The following PBRM1 variants were observed in gnomAD, a reference collection of about 807,000 sequenced individuals.
The protein encoded by PBRM1 is polybromo 1, also known as protein polybromo-1.
PBRM1 carries 27 observed loss-of-function variants against 194.5 expected under a neutral mutation model. The ratio of observed to expected loss-of-function variants is 0.14; its 90% CI spans 0.10 to 0.19. PBRM1 has a LOEUF of 0.19. Ranked by LOEUF, PBRM1 falls within the 10% of genes least tolerant of loss-of-function variation. PBRM1 has a pLI of 1.00. For missense variants in PBRM1, 1,466 were observed against 2,077.2 expected (o/e 0.71, Z 5.72); for synonymous variants, 655 against 693.2 (o/e 0.94, Z 0.87).
chr3:52,643,197 C>T, intron 9 of PBRM1, 51 bp downstream of exon 10: 8 of 1,291,686 alleles, frequency 6.2e-6, no homozygotes, highest in Non-Finnish European at 6.8e-6. Context: ...ACTAGTATGC[C>T]TATCTTTATA....
At chr3:52,573,111 G>A (rs2088005101) in intron 22 of PBRM1, among the ~76,000 whole-genome samples, 1 of 152,120 alleles carries the variant, frequency 6.6e-6, no homozygotes, top group Non-Finnish European at 1.5e-5. Flanking sequence ...GCTAGCTGTA[G>A]ACTAACTAAA....
At chr3:52,642,608 CAAAA>C (rs201394004) in intron 9 of PBRM1, among the ~76,000 whole-genome samples, 4 of 97,512 alleles carry the variant, frequency 4.1e-5, no homozygotes, top group South Asian at 4.1e-4. Context: ...AACTTCGTCT[CAAAA>C]AAAAAAAAAA....
intron 17 of PBRM1, among the ~76,000 whole-genome samples, chr3:52,592,606 G>C (rs2093196381): frequency 6.6e-6 from 1 of 152,196 alleles, no homozygotes; most frequent in Non-Finnish European, 1.5e-5. Flanking sequence ...AAACATCAAG[G>C]ATACTGGCCT....
intron 5 of PBRM1, among the ~76,000 whole-genome samples, chr3:52,654,131 G>A (rs753477711): frequency 6.6e-6 from 1 of 152,084 alleles, no homozygotes; most frequent in Non-Finnish European, 1.5e-5. Context: ...AGAGGTTCAG[G>A]GGAAGTCAGA....
intron 15 of PBRM1, among the ~76,000 whole-genome samples, chr3:52,613,319 G>A (rs1355244780): frequency 1.3e-5 from 2 of 151,348 alleles, no homozygotes; most frequent in African/African-American, 4.9e-5. Context: ...TATATACAGG[G>A]GTTCACTGGA....
At position 52,676,046 on chromosome 3, in the gene PBRM1, C is replaced by T. The variant is rs1357014712; in HGVS notation, c.236+2454G>A. ...GGGAGAATGGCGTGAACCCGGGAGG[C>T]GGAGCTTGCAGTGAGCCGAGATCCC... is the stretch of plus-strand genomic sequence containing the variant. On this transcript the variant is annotated intron_variant, in intron 2 of 29. Transcript: ENST00000296302. Among the ~76,000 whole-genome samples, 3 of 76,352 alleles carry T rather than the reference C, an allele frequency of 3.9e-5. 1 individual carries two copies. Among genetic ancestry groups the T allele is most frequent in the Admixed American group, 1.9e-4 (1 of 5,324 alleles). 50.1% of individuals were successfully genotyped at this position (76,352 alleles called of 152,430 possible). A position where few individuals can be genotyped will look rare whatever the true frequency, so the allele number is the denominator to read the frequency against.
Position 52,584,450 on chromosome 3 carries a change from C to CTTTTTTTTTTTTTTTTT in PBRM1, c.3387+1958_3387+1974dup, listed in dbSNP as rs397989611. 3.3e-4 allele frequency among the ~76,000 whole-genome samples: 20 copies of CTTTTTTTTTTTTTTTTT among 60,748 alleles called. 5 individuals carry two copies. The highest frequency in any genetic ancestry group is 1.2e-3 in the African/African-American group (16 of 12,930). 39.9% of individuals were successfully genotyped at this position (60,748 alleles called of 152,430 possible). The stretch of plus-strand genomic sequence containing the variant: ...AATTATCTGCAGAAAAGTATTCTTG[C>CTTTTTTTTTTTTTTTTT]TTTTTTTTTTTTTTTTTTTTTTTTT... On this transcript the variant is annotated intron_variant, in intron 20 of 29. Coordinates refer to ENST00000296302, the Ensembl canonical transcript of PBRM1.
downstream of PBRM1, chr3:52,546,653 ATCACCC>A (rs1169952316): frequency 1.2e-4 from 28 of 232,306 alleles, no homozygotes; most frequent in East Asian, 1.6e-3. Flanking sequence ...CACAATGGCA[ATCACCC>A]AGTTACTATA....
chr3:52,633,500 C>G (rs939254599), intron 11 of PBRM1, among the ~76,000 whole-genome samples: 5 of 152,076 alleles, frequency 3.3e-5, no homozygotes, highest in African/African-American at 1.2e-4. Context: ...CTTTGAGACC[C>G]TGCTTTCATT....
At chr3:52,608,174 C>T (rs144445520) in intron 16 of PBRM1, among the ~76,000 whole-genome samples, 1 of 152,324 alleles carries the variant, frequency 6.6e-6, no homozygotes, top group East Asian at 1.9e-4. Context: ...TTTTAGAGCA[C>T]AGAGCTCAAG....
rs539871380 is a variant in PBRM1, at chr3:52,548,096, G to A, written c.5037C>T (p.Asn1679=). Residue 1679 remains asparagine (N), a synonymous_variant, in exon 30 of 30, where the codon AAC becomes AAT. Transcript: ENST00000296302. ...TTTCTAGGTTGTATGCTTGGCGAAT[G>A]TTGAGGGTGTCCCGGAGCATCAAAT... The A allele has an allele frequency of 1.2e-5, 20 of 1,610,642 alleles. No homozygotes were observed. The South Asian group carries it at 2.2e-4, about 18-fold the overall frequency.
chr3:52,672,556 G>A lies in PBRM1; in HGVS notation c.237-3911C>T, dbSNP rs569010730. Reference sequence around the variant, plus strand: ...GTTGCCCAGGCTGGAGTGCAACAGCGTTATCTCCGCACACTGCAACCTCTG... The same window carrying A: ...GTTGCCCAGGCTGGAGTGCAACAGCATTATCTCCGCACACTGCAACCTCTG... On this transcript the variant is annotated intron_variant, in intron 2 of 29. Coordinates refer to ENST00000296302, the Ensembl canonical transcript of PBRM1. 5.0e-5 allele frequency among the ~76,000 whole-genome samples: 7 copies of A among 140,460 alleles called. No individual in the cohort carries two copies. The East Asian group carries it at 1.3e-3, about 26-fold the overall frequency. 92.1% of individuals were successfully genotyped at this position (140,460 alleles called of 152,430 possible).
chr3:52,595,901 C>G (rs2093490485), intron 17 of PBRM1, among the ~76,000 whole-genome samples: 1 of 152,134 alleles, frequency 6.6e-6, no homozygotes, highest in Non-Finnish European at 1.5e-5. Flanking sequence ...AGAGACTGTC[C>G]TTTCCCCAAT....
chr3:52,569,017 C>T (rs1266700513), intron 22 of PBRM1, among the ~76,000 whole-genome samples: 1 of 151,954 alleles, frequency 6.6e-6, no homozygotes, highest in African/African-American at 2.4e-5. Context: ...CCCCCTACTC[C>T]GGGTAGCTGG....
At chr3:52,650,256 G>A (rs1159979371) in intron 6 of PBRM1, among the ~76,000 whole-genome samples, 3 of 151,324 alleles carry the variant, frequency 2.0e-5, no homozygotes, top group East Asian at 1.9e-4. Context: ...CCAGCTACTC[G>A]GGAGGCTGAG....
At chr3:52,623,579 A>T (rs2095350012) in intron 13 of PBRM1, among the ~76,000 whole-genome samples, 2 of 152,228 alleles carry the variant, frequency 1.3e-5, no homozygotes, top group South Asian at 4.1e-4. Flanking sequence ...CCAAGTCAAT[A>T]GGTCAATAGG....
intron 22 of PBRM1, among the ~76,000 whole-genome samples, chr3:52,569,869 A>G (rs1385243785): frequency 6.6e-6 from 1 of 152,062 alleles, no homozygotes; most frequent in Non-Finnish European, 1.5e-5. Flanking sequence ...TCACCTCCTT[A>G]CTTTTCTTAT....
At position 52,563,225 on chromosome 3, in the gene PBRM1, A is replaced by G; in HGVS notation, c.4086+58T>C. 2.2e-6 allele frequency: 3 copies of G among 1,355,596 alleles called. No individual in the cohort carries two copies. The South Asian group carries it at 3.8e-5, about 17-fold the overall frequency. 84.0% of individuals were successfully genotyped at this position (1,355,596 alleles called of 1,614,324 possible). On this transcript the variant is annotated intron_variant, in intron 24 of 29. Transcript: ENST00000296302. ...TGGATGTCACTTTACTTTGGTTTTG[A>G]GTCTGCTGCAAACCAAAGGTGGTAA... is the stretch of plus-strand genomic sequence containing the variant.
intron 5 of PBRM1, among the ~76,000 whole-genome samples, chr3:52,657,570 A>G (rs1327719440): frequency 1.3e-5 from 2 of 151,544 alleles, no homozygotes; most frequent in South Asian, 2.1e-4. Flanking sequence ...CCCAGGTTCA[A>G]GCAATTCTCC....
Sources: gnomAD v4.1 joint callset for allele counts (sites outside exome capture counted in the v4.1 genomes callset) on GRCh38, gnomAD v4.1.1 for gene constraint, MANE v1.5 for transcripts, NCBI Gene and HGNC (gene_info 2026-07-23, HGNC 2026-07-21) for gene names.